The following MAEA variants were observed in gnomAD, a reference collection of about 807,000 sequenced individuals.
The protein encoded by MAEA is macrophage erythroblast attacher, E3 ubiquitin ligase.
Under a neutral mutation model 46.2 loss-of-function variants are expected in MAEA, and 22 were observed. That is an observed-to-expected ratio of 0.48 (90% CI 0.34 to 0.68). The LOEUF (loss-of-function observed/expected upper bound fraction) is 0.68. MAEA is among the 30% of genes least tolerant of loss of function. The pLI is 0.01. For synonymous variants in MAEA, 246 were observed against 222.6 expected (o/e 1.11, Z -0.94); for missense variants, 393 against 558.1 (o/e 0.70, Z 2.98).
chr4:1,297,755 A>G (rs573924196), intron 1 of MAEA, among the ~76,000 whole-genome samples: 3 of 152,020 alleles, frequency 2.0e-5, no homozygotes, highest in East Asian at 3.9e-4. Context: ...GGCCGAACCA[A>G]TTTCTCCCCC....
intron 4 of MAEA, among the ~76,000 whole-genome samples, chr4:1,323,156 A>T (rs1577206027): frequency 1.3e-5 from 2 of 151,992 alleles, no homozygotes; most frequent in African/African-American, 4.8e-5. Flanking sequence ...CACGTTGGCC[A>T]GGATGGTCTT....
chr4:1,327,674 C>T lies in MAEA; in HGVS notation c.627C>T (p.Ile209=). 1.9e-6 allele frequency: 3 copies of T among 1,613,952 alleles called. No individual in the cohort carries two copies. The highest frequency in any genetic ancestry group is 2.5e-6 in the Non-Finnish European group (3 of 1,179,984). ...SLRIQEFIEL[I]RQNKRLDAVR... Reference sequence around the variant, plus strand: ...GAATCCAGGAGTTCATTGAACTCATCCGGCAGAATAAGAGACTGGACGCTG... The same window carrying T: ...GAATCCAGGAGTTCATTGAACTCATTCGGCAGAATAAGAGACTGGACGCTG... Residue 209 remains isoleucine, a synonymous_variant, in exon 5 of 9, where the codon ATC becomes ATT. Transcript: ENST00000303400.
intron 1 of MAEA, among the ~76,000 whole-genome samples, chr4:1,300,727 T>G (rs994769928): frequency 2.0e-5 from 3 of 152,236 alleles, no homozygotes; most frequent in East Asian, 3.8e-4. Flanking sequence ...TAACTGGGCG[T>G]GCACACAACA....
chr4:1,313,704 C>T lies in MAEA; in HGVS notation c.252+1543C>T, dbSNP rs201321932. Among the ~76,000 whole-genome samples the T allele has an allele frequency of 1.7e-4, 25 of 149,924 alleles. No individual in the cohort carries two copies. In the East Asian group the frequency reaches 2.6e-3, roughly 15 times the overall value. On this transcript the variant is annotated intron_variant, in intron 2 of 8. Coordinates refer to ENST00000303400, the MANE Select transcript of MAEA (RefSeq NM_001017405.3). ...ATCATGCCACTGCACTCTAGCTGGGCGACAGCGAGACCCTATCTCAAAAAA... is the reference window on the plus strand; with the variant it reads ...ATCATGCCACTGCACTCTAGCTGGGTGACAGCGAGACCCTATCTCAAAAAA...
rs1453137632 is a variant in MAEA at position 1,320,075 on chromosome 4, G to A, written c.457-2306G>A. Reference sequence around the variant, plus strand: ...AAACATGCAAGGAAACGCTATGAAGGGGCTTCAGAAAAGAAATCATCAAAG... The same window carrying A: ...AAACATGCAAGGAAACGCTATGAAGAGGCTTCAGAAAAGAAATCATCAAAG... On this transcript the variant is annotated intron_variant, in intron 3 of 8. Transcript: ENST00000303400. 4.0e-5 allele frequency among the ~76,000 whole-genome samples: 6 copies of A among 151,596 alleles called. No individual in the cohort carries two copies. The East Asian group carries it at 1.2e-3, about 30-fold the overall frequency.
chr4:1,303,111 G>A (rs76481659), intron 1 of MAEA, among the ~76,000 whole-genome samples: 3,259 of 151,696 alleles, frequency 0.021, 128 homozygotes, highest in African/African-American at 0.074. Context: ...TCCTCGGGCC[G>A]GGTGTGGTGG....
chr4:1,315,606 T>C lies in MAEA; in HGVS notation c.456+6T>C. 6.2e-7 allele frequency: 1 copy of C among 1,612,042 alleles called. No individual in the cohort carries two copies. Among genetic ancestry groups the C allele is most frequent in the Non-Finnish European group, 8.5e-7 (1 of 1,179,232 alleles). ...CGCGCCAGAGCGGCATCGAGGTGGG[T>C]GCCCGCCAGACGCAGGCACAGCGCC... On this transcript the variant is annotated splice_donor_region_variant and intron_variant, in intron 3 of 8. Coordinates refer to ENST00000303400, the MANE Select transcript of MAEA (RefSeq NM_001017405.3).
chr4:1,318,856 C>T (rs186928358), intron 3 of MAEA, among the ~76,000 whole-genome samples: 67 of 152,324 alleles, frequency 4.4e-4, no homozygotes, highest in Middle Eastern at 3.4e-3. Context: ...AGGAAAATAA[C>T]CTCATGCTCT....
At chr4:1,308,387 C>T (rs1473372220) in intron 1 of MAEA, among the ~76,000 whole-genome samples, 2 of 152,212 alleles carry the variant, frequency 1.3e-5, no homozygotes, top group Non-Finnish European at 2.9e-5. Context: ...TGGGTGGCTT[C>T]TGCCTCGTGG....
chr4:1,300,573 C>G (rs1450829836), intron 1 of MAEA, among the ~76,000 whole-genome samples: 1 of 152,258 alleles, frequency 6.6e-6, no homozygotes, highest in African/African-American at 2.4e-5. Flanking sequence ...GGGGCACGGC[C>G]CCGGCTCTTC....
chr4:1,311,944 G>A lies in MAEA; in HGVS notation c.70-35G>A. 1 of 1,577,208 alleles carries A rather than the reference G, an allele frequency of 6.3e-7. No homozygotes were observed. ...TGGGGCTGGTGGGGCTCACACCAGG[G>A]GAGCAGATCCCTCACCATCCTCCTT... On this transcript the variant is annotated intron_variant, in intron 1 of 8. Transcript: ENST00000303400. This position sits in a 1 kb window ranked among gnomAD's most constrained non-coding sequence, Gnocchi z 4.4.
At chr4:1,338,355 C>A in intron 7 of MAEA, 67 bp from the exon 8 acceptor site, 1 of 1,340,084 alleles carries the variant, frequency 7.5e-7, no homozygotes, top group Non-Finnish European at 1.0e-6. Flanking sequence ...GCAGAGTGGC[C>A]ACAGGGGGCT....
chr4:1,296,625 C>T (rs1055926261), intron 1 of MAEA, among the ~76,000 whole-genome samples: 16 of 118,386 alleles, frequency 1.4e-4, no homozygotes, highest in Admixed American at 4.8e-4. Context: ...GTCTTCCTCT[C>T]GTGAAAACCC....
intron 1 of MAEA, among the ~76,000 whole-genome samples, chr4:1,304,944 T>C (rs573637136): frequency 5.3e-5 from 8 of 152,206 alleles, no homozygotes; most frequent in Non-Finnish European, 1.2e-4. Context: ...TGGTACTGCT[T>C]TGTGGCTTTA....
Position 1,339,289 on chromosome 4 carries a change from C to A in MAEA, c.*120C>A. 1.4e-6 allele frequency: 1 copy of A among 706,458 alleles called. No individual in the cohort carries two copies. Among genetic ancestry groups the A allele is most frequent in the Admixed American group, 2.3e-5 (1 of 42,754 alleles). The allele number at this position is 706,458 out of a possible 1,614,324, so 43.8% of individuals were successfully genotyped here. A position where few individuals can be genotyped will look rare whatever the true frequency, so the allele number is the denominator to read the frequency against. ...TTTCTGTTTCTTGCGACCAAAGATC[C>A]GTGAGCAACGATAAATACTCTTAGG... On this transcript the variant is annotated 3_prime_UTR_variant, in exon 9 of 9. Transcript: ENST00000303400.
chr4:1,324,747 T>C lies in MAEA; in HGVS notation c.579+2244T>C, dbSNP rs1270614189. 4.2e-5 allele frequency among the ~76,000 whole-genome samples: 6 copies of C among 142,746 alleles called. 1 individual carries two copies. Among genetic ancestry groups the C allele is most frequent in the Non-Finnish European group, 9.0e-5 (6 of 66,742 alleles). 93.6% of individuals were successfully genotyped at this position (142,746 alleles called of 152,430 possible). A position where few individuals can be genotyped will look rare whatever the true frequency, so the allele number is the denominator to read the frequency against. On this transcript the variant is annotated intron_variant, in intron 4 of 8. Transcript: ENST00000303400. ...TGTCTGGTGTTGGATGAAGTTGAGA[T>C]TGGATGCCTGGTGGATGAGTGTGTC...
At chr4:1,334,966 G>C in intron 6 of MAEA, 3 of 985,418 alleles carry the variant, frequency 3.0e-6, no homozygotes, top group Non-Finnish European at 3.6e-6. Context: ...AACTGAGACT[G>C]AGAAGCTTAC....
At chr4:1,317,400 G>A (rs577940350) in intron 3 of MAEA, among the ~76,000 whole-genome samples, 26 of 151,018 alleles carry the variant, frequency 1.7e-4, no homozygotes, top group Admixed American at 7.9e-4. Flanking sequence ...GGACTCACCC[G>A]CAGACCCACC....
intron 1 of MAEA, among the ~76,000 whole-genome samples, chr4:1,304,948 G>A (rs1385952089): frequency 6.6e-6 from 1 of 152,034 alleles, no homozygotes; most frequent in Admixed American, 6.6e-5. Flanking sequence ...ACTGCTTTGT[G>A]GCTTTATCCT....
Sources: gnomAD v4.1 joint callset for allele counts (sites outside exome capture counted in the v4.1 genomes callset) on GRCh38, gnomAD v4.1.1 for gene constraint, Gnocchi (gnomAD v3.1) non-coding constraint, MANE v1.5 for transcripts, NCBI Gene and HGNC (gene_info 2026-07-23, HGNC 2026-07-21) for gene names.